KBTBD12: variants seen among roughly 807,000 people sequenced by gnomAD.
KBTBD12 encodes kelch repeat and BTB domain-containing protein 12.
In KBTBD12, 53 loss-of-function variants were observed where a neutral mutation model predicts 58.7. The ratio of observed to expected loss-of-function variants is 0.90; its 90% CI spans 0.72 to 1.14. The LOEUF is 1.14. KBTBD12 is among the 50% of genes most tolerant of loss of function. KBTBD12 has a pLI of 0.00. For synonymous variants in KBTBD12, 236 were observed against 259.8 expected (o/e 0.91, Z 0.88); for missense variants, 704 against 751.3 (o/e 0.94, Z 0.74).
Position 127,928,047 on chromosome 3 carries a change from C to G in KBTBD12, c.1341+13C>G, listed in dbSNP as rs768756017. 38 of 1,608,486 alleles carry G rather than the reference C, an allele frequency of 2.4e-5. No homozygotes were observed. Among genetic ancestry groups the G allele is most frequent in the Non-Finnish European group, 3.2e-5 (38 of 1,175,548 alleles). ...CTGGACCCCTCAGGTTAAGAAATTTCCTGTATACATAATTGGCATGGCTAT... is the reference window on the plus strand; with the variant it reads ...CTGGACCCCTCAGGTTAAGAAATTTGCTGTATACATAATTGGCATGGCTAT... On this transcript the variant is annotated intron_variant, in intron 3 of 5. Transcript: ENST00000405109.
chr3:127,978,880 G>C (rs1940829552), intron 5 of KBTBD12, among the ~76,000 whole-genome samples: 1 of 152,214 alleles, frequency 6.6e-6, no homozygotes, highest in Non-Finnish European at 1.5e-5. Flanking sequence ...AGGGGCATAA[G>C]GATGTTGCTG....
In KBTBD12 at chr3:127,923,778, G is replaced by A. The variant is rs757103420; in HGVS notation, c.717G>A (p.Met239Ile). The change falls in exon 2 of 6, where the codon ATG becomes ATA. Residue 239 changes from methionine to isoleucine, a missense_variant. By Grantham distance (10) the Met-to-Ile change is conservative. Transcript: ENST00000405109. ...FLRQALRRNT[M>I]LLCDADCVDI... ...GACAAGCCCTAAGAAGGAACACAAT[G>A]CTTCTGTGTGATGCAGATTGTGTTG... 42 of 1,613,582 alleles carry A rather than the reference G, an allele frequency of 2.6e-5. No individual in the cohort carries two copies. The highest frequency in any genetic ancestry group is 3.3e-5 in the Non-Finnish European group (39 of 1,179,668).
chr3:127,970,950 C>A (rs1159263970), intron 5 of KBTBD12, among the ~76,000 whole-genome samples: 2 of 152,078 alleles, frequency 1.3e-5, no homozygotes, highest in Non-Finnish European at 2.9e-5. Flanking sequence ...ATGAACTATA[C>A]CTCAATAAAG....
Position 127,986,132 on chromosome 3 carries a change from A to C in KBTBD12, c.*1854A>C, listed in dbSNP as rs76410858. On this transcript the variant is annotated 3_prime_UTR_variant, in exon 6 of 6. Coordinates refer to ENST00000405109, the MANE Select transcript of KBTBD12 (RefSeq NM_207335.4). ...CCTGGCTCAAGGAGGCCTTGTTGGC[A>C]TGTCATGGCACATCTCCTAGATGTT... The C allele has an allele frequency of 6.7e-3, 1,024 of 152,670 alleles. 9 individuals carry two copies. Among genetic ancestry groups the C allele is most frequent in the South Asian group, 0.029 (139 of 4,820 alleles). The allele number at this position is 152,670 out of a possible 1,614,324, so 9.5% of individuals were successfully genotyped here. A position where few individuals can be genotyped will look rare whatever the true frequency, so the allele number is the denominator to read the frequency against.
rs759059341 is a variant in KBTBD12 at position 127,930,131 on chromosome 3, A to T, written c.1342-2A>T. ...TTATATTGGCTGTCATATTTCATAC[A>T]GATGGATCTTCCTGATGAAGAACCT... On this transcript the variant is annotated splice_acceptor_variant, in intron 3 of 5. Coordinates refer to ENST00000405109, the MANE Select transcript of KBTBD12 (RefSeq NM_207335.4). LOFTEE classifies it high-confidence loss of function. 6.3e-7 allele frequency: 1 copy of T among 1,577,128 alleles called. No homozygotes were observed. The highest frequency in any genetic ancestry group is 8.6e-7 in the Non-Finnish European group (1 of 1,159,672).
At chr3:127,948,214 G>T (rs768799920) in intron 4 of KBTBD12, among the ~76,000 whole-genome samples, 1 of 152,190 alleles carries the variant, frequency 6.6e-6, no homozygotes, top group Non-Finnish European at 1.5e-5. Flanking sequence ...TTTACTGTGC[G>T]TTCCTTCCTG....
At chr3:127,935,547 G>A (rs529572443) in intron 4 of KBTBD12, among the ~76,000 whole-genome samples, 1 of 152,178 alleles carries the variant, frequency 6.6e-6, no homozygotes, top group East Asian at 1.9e-4. Flanking sequence ...GATCACTTGA[G>A]CCCAAGAGTT....
At chr3:127,960,424 TA>T (rs1472716569) in intron 4 of KBTBD12, among the ~76,000 whole-genome samples, 1 of 152,226 alleles carries the variant, frequency 6.6e-6, no homozygotes, top group Non-Finnish European at 1.5e-5. Context: ...CCTGCAAATA[TA>T]ATTTCTATTC....
chr3:127,940,533 G>C (rs1363053005), intron 4 of KBTBD12, among the ~76,000 whole-genome samples: 2 of 152,120 alleles, frequency 1.3e-5, no homozygotes, highest in African/African-American at 4.8e-5. Context: ...AATGAAAATG[G>C]AAACACAACA....
rs777171458 is a variant in KBTBD12 at position 127,963,225 on chromosome 3, T to C, written c.1529T>C (p.Val510Ala). 8 of 1,612,238 alleles carry C rather than the reference T, an allele frequency of 5.0e-6. No individual in the cohort carries two copies. The East Asian group carries it at 1.6e-4, about 31-fold the overall frequency. The stretch of plus-strand genomic sequence containing the variant: ...TGTGTAGGTCAAGACAAGGGCCAGG[T>C]TCGAAAATGCCTTGACGTGGTGGAG... ...IGCVGQDKGQ[V>A]RKCLDVVEIY... Residue 510 changes from valine to alanine, a missense_variant, in exon 5 of 6, where the codon GTT becomes GCT. Transcript: ENST00000405109.
intron 4 of KBTBD12, among the ~76,000 whole-genome samples, chr3:127,956,574 G>A (rs1443608405): frequency 6.6e-6 from 1 of 152,042 alleles, no homozygotes; most frequent in Non-Finnish European, 1.5e-5. Context: ...TTTAAAATGT[G>A]TTTGATTCTG....
chr3:127,971,875 C>A (rs1340686129), intron 5 of KBTBD12, among the ~76,000 whole-genome samples: 1 of 152,206 alleles, frequency 6.6e-6, no homozygotes, highest in Non-Finnish European at 1.5e-5. Flanking sequence ...TTCCTTCCTT[C>A]ACCCAGGACT....
At chr3:127,958,557 G>A (rs1233500333) in intron 4 of KBTBD12, among the ~76,000 whole-genome samples, 6 of 152,150 alleles carry the variant, frequency 3.9e-5, no homozygotes, top group Non-Finnish European at 5.9e-5. Flanking sequence ...GATCAGATGG[G>A]ACAGCATTGT....
chr3:127,947,853 A>G (rs1940116995), intron 4 of KBTBD12, among the ~76,000 whole-genome samples: 1 of 152,202 alleles, frequency 6.6e-6, no homozygotes, highest in South Asian at 2.1e-4. Flanking sequence ...CCTCAAGGGC[A>G]GAAAACAGCC....
intron 4 of KBTBD12, among the ~76,000 whole-genome samples, chr3:127,938,034 C>T (rs899579251): frequency 1.3e-5 from 2 of 151,950 alleles, no homozygotes; most frequent in African/African-American, 4.8e-5. Context: ...AGCAGACCAC[C>T]ATAAAGGAAT....
chr3:127,942,163 T>G (rs986973843), intron 4 of KBTBD12, among the ~76,000 whole-genome samples: 12 of 152,130 alleles, frequency 7.9e-5, no homozygotes, highest in Non-Finnish European at 1.5e-4. Flanking sequence ...AAAAGGTCAA[T>G]CATTTACTTT....
intron 4 of KBTBD12, among the ~76,000 whole-genome samples, chr3:127,946,428 C>T (rs192862140): frequency 7.1e-4 from 108 of 152,238 alleles, no homozygotes; most frequent in African/African-American, 2.5e-3. Flanking sequence ...CAGTATATGT[C>T]AGCACTTTAA....
intron 5 of KBTBD12, chr3:127,963,765 A>C (rs1443042833): frequency 1.2e-5 from 2 of 160,386 alleles, no homozygotes; most frequent in African/African-American, 4.8e-5. Flanking sequence ...GTAGTTGAAT[A>C]TGAAGAGAAG....
intron 1 of KBTBD12, among the ~76,000 whole-genome samples, chr3:127,922,329 AC>A (rs1358307153): frequency 6.6e-6 from 1 of 152,140 alleles, no homozygotes; most frequent in African/African-American, 2.4e-5. Flanking sequence ...AAATATTGTG[AC>A]TTTTCAGATC....
Sources: gnomAD v4.1 joint callset for allele counts (sites outside exome capture counted in the v4.1 genomes callset) on GRCh38, gnomAD v4.1.1 for gene constraint, MANE v1.5 for transcripts, NCBI Gene and HGNC (gene_info 2026-07-23, HGNC 2026-07-21) for gene names.